ANKS1B: variants seen among roughly 807,000 people sequenced by gnomAD.
ANKS1B encodes the protein ankyrin repeat and sterile alpha motif domain-containing protein 1B.
A neutral mutation model predicts 148.3 loss-of-function variants in ANKS1B; 36 were observed. That is an observed-to-expected ratio of 0.24 (90% CI 0.19 to 0.32). The LOEUF (loss-of-function observed/expected upper bound fraction) is 0.32, where lower values mean the gene tolerates loss of function less well. Among genes scored for constraint, ANKS1B ranks in the 10% least tolerant of loss-of-function variants. The probability of loss-of-function intolerance (pLI) is 1.00; values close to 1 mark genes in which losing one functional copy is unlikely to be tolerated. For missense variants in ANKS1B, 1,157 were observed against 1,542.6 expected (o/e 0.75, Z 4.19); for synonymous variants, 542 against 560.8 (o/e 0.97, Z 0.47).
chr12:99,482,971 A>C (rs1022252339), intron 10 of ANKS1B, among the ~76,000 whole-genome samples: 2 of 151,096 alleles, frequency 1.3e-5, no homozygotes, highest in Non-Finnish European at 3.0e-5. Context: ...TTTGACTTCT[A>C]TTTGAATGCC....
At chr12:98,895,336 C>T in intron 17 of ANKS1B, 6 of 983,498 alleles carry the variant, frequency 6.1e-6, no homozygotes, top group Non-Finnish European at 7.2e-6. Flanking sequence ...CTCCGGGAGG[C>T]CGCCGGGGCG....
chr12:99,878,556 T>C (rs1286867534), intron 1 of ANKS1B, among the ~76,000 whole-genome samples: 1 of 152,220 alleles, frequency 6.6e-6, no homozygotes, highest in Non-Finnish European at 1.5e-5. Flanking sequence ...TTATCCTTTT[T>C]GTTTTTTCAT....
chr12:99,524,308 C>T (rs73147361), intron 9 of ANKS1B, among the ~76,000 whole-genome samples: 23,079 of 152,064 alleles, frequency 0.15, 1,830 homozygotes, highest in Non-Finnish European at 0.17. Context: ...AGGAGCATCA[C>T]GTAACAGTGG....
At position 99,373,642 on chromosome 12, in the gene ANKS1B, C is replaced by A. The variant is rs139455316; in HGVS notation, c.1756+25989G>T. Among the ~76,000 whole-genome samples the A allele has an allele frequency of 6.5e-3, 994 of 152,172 alleles. 16 individuals carry two copies. Among genetic ancestry groups the A allele is most frequent in the African/African-American group, 0.023 (949 of 41,510 alleles). ...TCATTAGTTTCTTCTCCCTAGATAT[C>A]CCTAGTTGCTCCAGTTACTGCTCTT... On this transcript the variant is annotated intron_variant, in intron 12 of 26. Transcript: ENST00000683438.
At chr12:99,633,304 C>G (rs962862212) in intron 9 of ANKS1B, among the ~76,000 whole-genome samples, 3 of 152,024 alleles carry the variant, frequency 2.0e-5, no homozygotes, top group African/African-American at 7.2e-5. Flanking sequence ...ACCAACGGAA[C>G]AGAACAGAGC....
At position 99,405,124 on chromosome 12, in the gene ANKS1B, C is replaced by T. The variant is rs554476706; in HGVS notation, c.1576-5313G>A. 6.9e-5 allele frequency among the ~76,000 whole-genome samples: 10 copies of T among 145,516 alleles called. 1 individual carries two copies. Among genetic ancestry groups the T allele is most frequent in the Non-Finnish European group, 1.4e-4 (9 of 65,850 alleles). ...AACAAAAGTTGAGAAATTTCTTCAACATTAGATCTTTCCTACAATAAATGC... is the reference window on the plus strand; with the variant it reads ...AACAAAAGTTGAGAAATTTCTTCAATATTAGATCTTTCCTACAATAAATGC... On this transcript the variant is annotated intron_variant, in intron 11 of 26. Transcript: ENST00000683438.
chr12:99,500,673 A>G (rs532133653), intron 10 of ANKS1B, among the ~76,000 whole-genome samples: 1 of 151,914 alleles, frequency 6.6e-6, no homozygotes, highest in South Asian at 2.1e-4. Flanking sequence ...AAGGTTAAGT[A>G]CTCCCCCATT....
intron 17 of ANKS1B, among the ~76,000 whole-genome samples, chr12:98,845,278 TTTGAATCC>T (rs749675029): frequency 1.9e-4 from 29 of 152,244 alleles, no homozygotes; most frequent in Non-Finnish European, 4.4e-5. Flanking sequence ...AAAATCAGGA[TTTGAATCC>T]AGTTCCGACT....
At chr12:99,442,919 G>A (rs2724192) in intron 11 of ANKS1B, among the ~76,000 whole-genome samples, 3,245 of 151,992 alleles carry the variant, frequency 0.021, 50 homozygotes, top group Middle Eastern at 0.034. Flanking sequence ...CATTCAGAAC[G>A]AGCCAGGTTG....
chr12:99,188,366 G>C (rs374133237), intron 14 of ANKS1B, among the ~76,000 whole-genome samples: 2 of 152,004 alleles, frequency 1.3e-5, no homozygotes, highest in Non-Finnish European at 2.9e-5. Flanking sequence ...CTACAAAACT[G>C]TCCATCCCAA....
At chr12:99,189,247 C>T (rs112920448) in intron 14 of ANKS1B, among the ~76,000 whole-genome samples, 2 of 152,208 alleles carry the variant, frequency 1.3e-5, no homozygotes, top group African/African-American at 4.8e-5. Context: ...GATTCGCAGC[C>T]GAATTCTACC....
intron 12 of ANKS1B, among the ~76,000 whole-genome samples, chr12:99,332,657 G>A (rs1185522760): frequency 6.6e-6 from 1 of 150,570 alleles, no homozygotes; most frequent in African/African-American, 2.4e-5. Context: ...TTTTAGAAAT[G>A]GAAAAGTTTT....
chr12:99,246,211 T>G (rs2073864362), intron 13 of ANKS1B, 64 bp downstream of exon 13: 1 of 1,285,944 alleles, frequency 7.8e-7, no homozygotes, highest in South Asian at 1.8e-5. Flanking sequence ...CTGAAAATCC[T>G]TCCCCCAAAC....
chr12:99,044,351 C>T (rs1306458152), intron 17 of ANKS1B, among the ~76,000 whole-genome samples: 1 of 148,876 alleles, frequency 6.7e-6, no homozygotes, highest in Non-Finnish European at 1.5e-5. Context: ...GCTAATTCAC[C>T]CTGACAGTTG....
chr12:99,959,708 C>T (rs1355844259), intron 1 of ANKS1B, among the ~76,000 whole-genome samples: 7 of 152,080 alleles, frequency 4.6e-5, no homozygotes, highest in African/African-American at 1.7e-4. Context: ...TCTGAATAAA[C>T]AAGTGTGTTT....
At chr12:98,843,835 T>C (rs1397050837) in intron 17 of ANKS1B, among the ~76,000 whole-genome samples, 1 of 152,016 alleles carries the variant, frequency 6.6e-6, no homozygotes, top group Non-Finnish European at 1.5e-5. Flanking sequence ...TTTTATCAGG[T>C]TTTGTACTGA....
At chr12:99,600,440 T>A (rs2097791586) in intron 9 of ANKS1B, among the ~76,000 whole-genome samples, 1 of 151,942 alleles carries the variant, frequency 6.6e-6, no homozygotes, top group South Asian at 2.1e-4. Context: ...AAAGAGATTA[T>A]CATCTTCATG....
chr12:99,716,144 C>T lies in ANKS1B; in HGVS notation c.1128+56778G>A, dbSNP rs562311437. 1.0e-3 allele frequency among the ~76,000 whole-genome samples: 152 copies of T among 152,092 alleles called. 5 individuals are homozygous for T. In the South Asian group the frequency reaches 0.028, roughly 28 times the overall value. On this transcript the variant is annotated intron_variant, in intron 8 of 26. Transcript: ENST00000683438. Reference sequence around the variant, plus strand: ...GCTTTTCTGGGGTGCAAGAACCCCCCGATCCCTTATTTCCGTGCCCCGACC... The same window carrying T: ...GCTTTTCTGGGGTGCAAGAACCCCCTGATCCCTTATTTCCGTGCCCCGACC...
rs1347584775 is a variant in ANKS1B, at chr12:98,829,922, G to A, written c.2887-569C>T. On this transcript the variant is annotated intron_variant, in intron 18 of 26. Coordinates refer to ENST00000683438, the MANE Select transcript of ANKS1B (RefSeq NM_001352186.2). This position sits in a 1 kb window ranked among gnomAD's most constrained non-coding sequence, Gnocchi z 5.2. Reference sequence around the variant, plus strand: ...GGGAAACGGGTCAGGAGGAAGATAGGGGGCATAGACAGCTCAGCTCTACTA... The same window carrying A: ...GGGAAACGGGTCAGGAGGAAGATAGAGGGCATAGACAGCTCAGCTCTACTA... 6.6e-6 allele frequency among the ~76,000 whole-genome samples: 1 copy of A among 152,190 alleles called. No individual in the cohort carries two copies. The highest frequency in any genetic ancestry group is 1.5e-5 in the Non-Finnish European group (1 of 68,020).
Sources: allele counts gnomAD v4.1 joint callset (sites outside exome capture counted in the v4.1 genomes callset), GRCh38; gene constraint gnomAD v4.1.1; non-coding constraint Gnocchi (gnomAD v3.1); transcripts MANE v1.5; gene names NCBI Gene and HGNC (gene_info 2026-07-23, HGNC 2026-07-21).